The following NCK1 variants were observed in gnomAD, a reference collection of about 807,000 sequenced individuals.
The protein encoded by NCK1 is NCK adaptor protein 1, also known as SH2/SH3 adapter protein NCK1.
A neutral mutation model predicts 36.6 loss-of-function variants in NCK1; 19 were observed. The observed-to-expected ratio is 0.52, with a 90% CI of 0.36 to 0.76. NCK1 has a LOEUF of 0.76. Ranked by LOEUF, NCK1 falls within the 30% of genes least tolerant of loss-of-function variation. The probability of loss-of-function intolerance (pLI) is 0.00; values close to 1 mark genes in which losing one functional copy is unlikely to be tolerated. For synonymous variants in NCK1, 165 were observed against 156.0 expected (o/e 1.06, Z -0.43); for missense variants, 358 against 445.6 (o/e 0.80, Z 1.77).
At chr3:136,935,584 T>C (rs1940509438) in intron 2 of NCK1, among the ~76,000 whole-genome samples, 1 of 152,110 alleles carries the variant, frequency 6.6e-6, no homozygotes, top group Non-Finnish European at 1.5e-5. Context: ...ACTAGTTTAG[T>C]GGGGTCACGA....
Position 136,893,655 on chromosome 3 carries a change from T to C in NCK1, c.-19+31302T>C, listed in dbSNP as rs79462568. Among the ~76,000 whole-genome samples, 939 of 152,320 alleles carry C rather than the reference T, an allele frequency of 6.2e-3. 5 individuals are homozygous for C. The highest frequency in any genetic ancestry group is 0.011 in the Non-Finnish European group (742 of 68,028). ...TTTTAGTTTAAGTCCCATCTCTTTA[T>C]CTTTGTTTTTGAGGCATGAGACTTT... On this transcript the variant is annotated intron_variant, in intron 1 of 3. Coordinates refer to ENST00000481752, the MANE Select transcript of NCK1 (RefSeq NM_001291999.2).
At chr3:136,902,900 A>G (rs1269167415) in intron 1 of NCK1, among the ~76,000 whole-genome samples, 4 of 152,212 alleles carry the variant, frequency 2.6e-5, no homozygotes, top group African/African-American at 9.6e-5. Flanking sequence ...ATATGCATCC[A>G]CCTGTGAAGT....
At chr3:136,920,998 A>T (rs1189443141) in intron 1 of NCK1, among the ~76,000 whole-genome samples, 1 of 152,184 alleles carries the variant, frequency 6.6e-6, no homozygotes, top group Non-Finnish European at 1.5e-5. Context: ...AGTAGTTCAT[A>T]ATGTGACTAT....
intron 1 of NCK1, among the ~76,000 whole-genome samples, chr3:136,910,932 C>T (rs533882688): frequency 4.1e-4 from 63 of 152,316 alleles, no homozygotes; most frequent in South Asian, 1.2e-3. Flanking sequence ...ATCCTGGCTT[C>T]TCCCCAGTCT....
At chr3:136,896,716 G>C (rs1054354589) in intron 1 of NCK1, among the ~76,000 whole-genome samples, 1 of 151,994 alleles carries the variant, frequency 6.6e-6, no homozygotes, top group African/African-American at 2.4e-5. Flanking sequence ...GCCCAAACTG[G>C]TCTCAAATTC....
At chr3:136,920,969 C>G (rs980913303) in intron 1 of NCK1, among the ~76,000 whole-genome samples, 2 of 152,124 alleles carry the variant, frequency 1.3e-5, no homozygotes, top group African/African-American at 4.8e-5. Context: ...AAAATTCACA[C>G]ATTGAAGTCC....
At chr3:136,904,485 C>A (rs1380594295) in intron 1 of NCK1, among the ~76,000 whole-genome samples, 1 of 152,180 alleles carries the variant, frequency 6.6e-6, no homozygotes, top group Admixed American at 6.5e-5. Flanking sequence ...TCATTTCATT[C>A]TCTACTGGCC....
chr3:136,915,158 AGACT>A (rs1485158429), intron 1 of NCK1, among the ~76,000 whole-genome samples: 1 of 152,222 alleles, frequency 6.6e-6, no homozygotes, highest in African/African-American at 2.4e-5. Flanking sequence ...CAACACAGAC[AGACT>A]AATACGTACC....
intron 3 of NCK1, 52 bp downstream of exon 3, chr3:136,946,347 AAAAG>A (rs768905808): frequency 2.7e-6 from 4 of 1,467,558 alleles, no homozygotes; most frequent in African/African-American, 1.4e-5. Context: ...TATTTTAAAA[AAAAG>A]AGAGAGAGAA....
intron 1 of NCK1, among the ~76,000 whole-genome samples, chr3:136,870,178 C>G (rs1262350120): frequency 1.3e-5 from 2 of 151,668 alleles, no homozygotes; most frequent in Non-Finnish European, 2.9e-5. Context: ...CCTGTCTCTA[C>G]TAATAATACA....
intron 1 of NCK1, among the ~76,000 whole-genome samples, chr3:136,892,225 T>TA (rs1939265537): frequency 6.6e-6 from 1 of 152,198 alleles, no homozygotes; most frequent in Admixed American, 6.5e-5. Context: ...TTTTGACTTG[T>TA]AAGAGTTCTT....
chr3:136,898,464 T>G (rs1939449383), intron 1 of NCK1, among the ~76,000 whole-genome samples: 1 of 151,680 alleles, frequency 6.6e-6, no homozygotes, highest in Admixed American at 6.6e-5. Flanking sequence ...TTATTAAAGG[T>G]TTTGACAATG....
At chr3:136,935,279 T>G (rs1420845069) in intron 2 of NCK1, among the ~76,000 whole-genome samples, 1 of 152,356 alleles carries the variant, frequency 6.6e-6, no homozygotes, top group East Asian at 1.9e-4. Flanking sequence ...CATTCTAGGT[T>G]TTACTGATCT....
chr3:136,895,020 C>T (rs1232484202), intron 1 of NCK1, among the ~76,000 whole-genome samples: 6 of 152,100 alleles, frequency 3.9e-5, no homozygotes, highest in African/African-American at 1.2e-4. Flanking sequence ...GGATTACAGG[C>T]ATGTGCCACC....
Position 136,874,477 on chromosome 3 carries a change from G to A in NCK1, c.-19+12124G>A, listed in dbSNP as rs1357160876. On this transcript the variant is annotated intron_variant, in intron 1 of 3. Coordinates refer to ENST00000481752, the MANE Select transcript of NCK1 (RefSeq NM_001291999.2). ...TTACAGGCGTGAGCCACCACGCCCGGCCCGTTTACAGGTCTTTAATGAACT... is the reference window on the plus strand; with the variant it reads ...TTACAGGCGTGAGCCACCACGCCCGACCCGTTTACAGGTCTTTAATGAACT... 2.6e-5 allele frequency among the ~76,000 whole-genome samples: 4 copies of A among 152,180 alleles called. No homozygotes were observed. The South Asian group carries it at 8.3e-4, about 31-fold the overall frequency.
chr3:136,899,600 C>T (rs116092875), intron 1 of NCK1: 298 of 638,468 alleles, frequency 4.7e-4, no homozygotes, highest in African/African-American at 4.5e-3. Flanking sequence ...TCTGTTGTAC[C>T]GCAGCTTTAG....
At chr3:136,901,427 C>T (rs1224772724) in intron 1 of NCK1, among the ~76,000 whole-genome samples, 1 of 150,898 alleles carries the variant, frequency 6.6e-6, no homozygotes, top group Non-Finnish European at 1.5e-5. Flanking sequence ...TAATGTTGGC[C>T]TTGTAGAATG....
intron 1 of NCK1, among the ~76,000 whole-genome samples, chr3:136,884,467 G>A (rs528557163): frequency 3.3e-5 from 5 of 151,938 alleles, no homozygotes; most frequent in African/African-American, 7.2e-5. Flanking sequence ...TTTGAAACAC[G>A]GTCCTGCTCT....
chr3:136,886,914 T>C (rs754388469), intron 1 of NCK1, among the ~76,000 whole-genome samples: 1 of 151,294 alleles, frequency 6.6e-6, no homozygotes, highest in Non-Finnish European at 1.5e-5. Flanking sequence ...CACAATCTCA[T>C]CTCACTGCAA....
Sources: allele counts gnomAD v4.1 joint callset (sites outside exome capture counted in the v4.1 genomes callset), GRCh38; gene constraint gnomAD v4.1.1; transcripts MANE v1.5; gene names NCBI Gene and HGNC (gene_info 2026-07-23, HGNC 2026-07-21).